DCTN6: variants seen among roughly 807,000 people sequenced by gnomAD.
DCTN6 encodes the protein dynactin 6.
A neutral mutation model predicts 25.8 loss-of-function variants in DCTN6; 15 were observed. The ratio of observed to expected loss-of-function variants is 0.58; its 90% CI spans 0.39 to 0.89. The LOEUF is 0.89. Among genes scored for constraint, DCTN6 ranks in the 40% least tolerant of loss-of-function variants. DCTN6 has a pLI of 0.00. For synonymous variants in DCTN6, 64 were observed against 78.3 expected (o/e 0.82, Z 0.96); for missense variants, 198 against 237.6 (o/e 0.83, Z 1.09).
intron 1 of DCTN6, among the ~76,000 whole-genome samples, chr8:30,156,675 C>T (rs976404793): frequency 6.7e-6 from 1 of 150,338 alleles, no homozygotes; most frequent in African/African-American, 2.5e-5. Context: ...GGGGGTCTCC[C>T]GGCCGGGAGG....
At chr8:30,164,216 G>T in intron 2 of DCTN6, 41 bp downstream of exon 2, 1 of 1,480,292 alleles carries the variant, frequency 6.8e-7, no homozygotes, top group Non-Finnish European at 9.4e-7. Flanking sequence ...GAATTGATGT[G>T]ATTTAATCTA....
At chr8:30,176,533 CA>C (rs71281739) in intron 3 of DCTN6, 16,947 of 150,232 alleles carry the variant, frequency 0.11, 1,101 homozygotes, top group East Asian at 0.33. Context: ...GACTCCGTCT[CA>C]AAAAAAAATA....
intron 1 of DCTN6, among the ~76,000 whole-genome samples, chr8:30,156,668 G>A (rs1803529515): frequency 6.6e-6 from 1 of 151,300 alleles, no homozygotes; most frequent in Admixed American, 6.6e-5. Context: ...GCGCAGAGGG[G>A]GTCTCCCGGC....
chr8:30,159,593 TTCCATAGATACCTCAGAC>T (rs1394998814), intron 1 of DCTN6, among the ~76,000 whole-genome samples: 26 of 152,250 alleles, frequency 1.7e-4, no homozygotes, highest in Admixed American at 1.7e-3. Context: ...CTGGTGACCA[TTCCATAGATACCTCAGAC>T]TGAGTTTATC....
chr8:30,169,422 G>C (rs1312711378), intron 2 of DCTN6, among the ~76,000 whole-genome samples: 2 of 152,182 alleles, frequency 1.3e-5, no homozygotes, highest in African/African-American at 4.8e-5. Context: ...TATCTTTCTG[G>C]CTATGTGGCA....
chr8:30,158,810 C>T (rs1438226387), intron 1 of DCTN6, among the ~76,000 whole-genome samples: 2 of 121,432 alleles, frequency 1.6e-5, no homozygotes. Flanking sequence ...GAGACGGAGT[C>T]TCACTCTGTT....
At chr8:30,181,157 A>G (rs1803906557) in intron 6 of DCTN6, 1 of 152,922 alleles carries the variant, frequency 6.5e-6, no homozygotes, top group African/African-American at 2.4e-5. Flanking sequence ...AAATATATAC[A>G]AGGATGACAA....
intron 4 of DCTN6, 156 bp downstream of exon 4, chr8:30,177,370 A>T: frequency 1.7e-6 from 1 of 578,246 alleles, no homozygotes; most frequent in Admixed American, 3.3e-5. Context: ...TCTATCAAAC[A>T]TACTTACATT....
intron 2 of DCTN6, among the ~76,000 whole-genome samples, chr8:30,174,108 C>T (rs1407921313): frequency 1.3e-5 from 2 of 152,208 alleles, no homozygotes; most frequent in Admixed American, 1.3e-4. Context: ...GGCATCGCCT[C>T]AGGGCTCCCC....
At chr8:30,165,468 AT>A (rs1213510588) in intron 2 of DCTN6, among the ~76,000 whole-genome samples, 25 of 148,076 alleles carry the variant, frequency 1.7e-4, no homozygotes, top group East Asian at 2.0e-4. Context: ...CTGTAACGTC[AT>A]TTTTTTTTTC....
At position 30,156,801 on chromosome 8, in the gene DCTN6, A is replaced by AAG. The variant is rs201807687; in HGVS notation, c.23+395_23+396insAG. On this transcript the variant is annotated intron_variant, in intron 1 of 6. Transcript: ENST00000221114. ...GCTGTACCCCACGGCTTGGCGCTGG[A>AAG]TTCTCTGCTGCATGTTGCGAGACCC... Among the ~76,000 whole-genome samples, 813 of 152,158 alleles carry AAG rather than the reference A, an allele frequency of 5.3e-3. 17 individuals are homozygous for AAG. Among genetic ancestry groups the AAG allele is most frequent in the Admixed American group, 0.044 (667 of 15,292 alleles).
intron 2 of DCTN6, among the ~76,000 whole-genome samples, chr8:30,165,052 A>G (rs2076193576): frequency 6.6e-6 from 1 of 152,190 alleles, no homozygotes; most frequent in South Asian, 2.1e-4. Context: ...AGGAGAAGAG[A>G]TATTGGATGG....
chr8:30,175,418 C>T (rs1208499073), intron 3 of DCTN6, among the ~76,000 whole-genome samples: 2 of 152,140 alleles, frequency 1.3e-5, no homozygotes, highest in Non-Finnish European at 1.5e-5. Flanking sequence ...GAATCTTTGA[C>T]GCTCGGTCTG....
chr8:30,168,332 G>A (rs947950342), intron 2 of DCTN6, among the ~76,000 whole-genome samples: 1 of 152,106 alleles, frequency 6.6e-6, no homozygotes, highest in Non-Finnish European at 1.5e-5. Flanking sequence ...GGTATAAAAT[G>A]TCTCAAGTCT....
intron 4 of DCTN6, among the ~76,000 whole-genome samples, chr8:30,178,238 C>A (rs1803867426): frequency 6.6e-6 from 1 of 152,004 alleles, no homozygotes; most frequent in Non-Finnish European, 1.5e-5. Context: ...CCGAGGCGGG[C>A]AGATCACCTG....
At chr8:30,173,504 G>C (rs1408517177) in intron 2 of DCTN6, among the ~76,000 whole-genome samples, 1 of 152,148 alleles carries the variant, frequency 6.6e-6, no homozygotes. Context: ...ATTTTGGGAG[G>C]CTGAGGCAGG....
At chr8:30,168,382 A>C (rs1803715937) in intron 2 of DCTN6, among the ~76,000 whole-genome samples, 1 of 152,206 alleles carries the variant, frequency 6.6e-6, no homozygotes, top group South Asian at 2.1e-4. Context: ...GTAATGCATC[A>C]GATTAAAAAG....
At chr8:30,160,826 G>A (rs117342181) in intron 1 of DCTN6, among the ~76,000 whole-genome samples, 1,913 of 152,270 alleles carry the variant, frequency 0.013, 38 homozygotes, top group East Asian at 0.055. Context: ...CAGATACTGG[G>A]TACTGAGGGA....
rs1803920100 is a variant in DCTN6, at chr8:30,182,334, G to T, written c.475-741G>T. On this transcript the variant is annotated intron_variant, in intron 6 of 6. Transcript: ENST00000221114. The stretch of plus-strand genomic sequence containing the variant: ...GAGTTTTACAATCAGGAAAATCTGG[G>T]CAGTACTGGTATATGAAGAGTGAAG... Among the ~76,000 whole-genome samples, 4 of 152,136 alleles carry T rather than the reference G, an allele frequency of 2.6e-5. 1 individual carries two copies.
Sources: allele counts gnomAD v4.1 joint callset (sites outside exome capture counted in the v4.1 genomes callset), GRCh38; gene constraint gnomAD v4.1.1; transcripts MANE v1.5; gene names NCBI Gene and HGNC (gene_info 2026-07-23, HGNC 2026-07-21).